The following QRICH1 variants were observed in gnomAD, a reference collection of about 807,000 sequenced individuals.
QRICH1 encodes transcriptional regulator QRICH1.
QRICH1 carries 16 observed loss-of-function variants against 87.1 expected under a neutral mutation model. That is an observed-to-expected ratio of 0.18 (90% CI 0.12 to 0.28). The LOEUF is 0.28. Among genes scored for constraint, QRICH1 ranks in the 10% least tolerant of loss-of-function variants. QRICH1 has a pLI of 1.00. For synonymous variants in QRICH1, 367 were observed against 368.4 expected (o/e 1.00, Z 0.05); for missense variants, 647 against 951.7 (o/e 0.68, Z 4.21).
rs1277819848 is a variant in QRICH1, at chr3:49,075,211, TC to T, written c.309+1497del. On this transcript the variant is annotated intron_variant, in intron 2 of 9. Coordinates refer to ENST00000395443, the MANE Select transcript of QRICH1 (RefSeq NM_198880.3). ...TGCACGTGGTGGTACATGCCTGTGG[TC>T]CCAGCTACTTGGAGGTTGAGGCTGG... is the stretch of plus-strand genomic sequence containing the variant. 4.7e-5 allele frequency among the ~76,000 whole-genome samples: 7 copies of T among 150,456 alleles called. No homozygotes were observed. The South Asian group carries it at 1.5e-3, about 32-fold the overall frequency.
At chr3:49,074,704 C>T (rs755884957) in intron 2 of QRICH1, among the ~76,000 whole-genome samples, 20 of 152,162 alleles carry the variant, frequency 1.3e-4, no homozygotes, top group Non-Finnish European at 2.6e-4. Flanking sequence ...TTGGGCCAGG[C>T]GCAGTGGCTC....
chr3:49,046,790 C>T (rs567402515), intron 4 of QRICH1, among the ~76,000 whole-genome samples: 3 of 152,260 alleles, frequency 2.0e-5, no homozygotes, highest in African/African-American at 7.2e-5. Context: ...CCCTGGTTCC[C>T]ATTTCCTCCC....
intron 1 of QRICH1, chr3:49,092,359 G>C (rs2042292486): frequency 6.6e-6 from 1 of 151,966 alleles, no homozygotes; most frequent in Non-Finnish European, 1.5e-5. Flanking sequence ...AAAAAACTGT[G>C]CACAGATACT....
intron 1 of QRICH1, 40 bp from the exon 2 acceptor site, chr3:49,077,078 A>T: frequency 7.8e-7 from 1 of 1,282,528 alleles, no homozygotes; most frequent in Non-Finnish European, 1.0e-6. Flanking sequence ...TACTGTTTTT[A>T]GCAGGAAATG....
chr3:49,049,605 C>T (rs1372618708), intron 3 of QRICH1, among the ~76,000 whole-genome samples: 1 of 151,996 alleles, frequency 6.6e-6, no homozygotes, highest in African/African-American at 2.4e-5. Context: ...TCAAGGCATT[C>T]TCCTGCCTCA....
intron 5 of QRICH1, 35 bp downstream of exon 5, chr3:49,046,390 G>A (rs2093339717): frequency 5.7e-6 from 9 of 1,591,450 alleles, no homozygotes; most frequent in Non-Finnish European, 6.0e-6. Context: ...TAGGAACACA[G>A]CTCAAACATG....
intron 6 of QRICH1, among the ~76,000 whole-genome samples, chr3:49,037,698 C>T (rs559901114): frequency 3.1e-4 from 46 of 150,410 alleles, no homozygotes; most frequent in Non-Finnish European, 5.6e-4. Flanking sequence ...CACCACTGAA[C>T]TCCAACGTGG....
intron 9 of QRICH1, among the ~76,000 whole-genome samples, chr3:49,030,982 G>C (rs2093233995): frequency 6.8e-6 from 1 of 147,572 alleles, no homozygotes; most frequent in African/African-American, 2.5e-5. Flanking sequence ...CTATCTCCAA[G>C]TCTTTGCGCT....
chr3:49,092,067 G>A lies in QRICH1; in HGVS notation c.-22+1845C>T, dbSNP rs1222863350. On this transcript the variant is annotated intron_variant, in intron 1 of 9. Coordinates refer to ENST00000395443, the MANE Select transcript of QRICH1 (RefSeq NM_198880.3). ...AGCCTGGGTGACAGAGTGAGACTCC[G>A]TCTCAAAAAAAAAAAAAAAGTCAAA... 7.4e-5 allele frequency among the ~76,000 whole-genome samples: 11 copies of A among 148,490 alleles called. No homozygotes were observed. The South Asian group carries it at 2.3e-3, about 31-fold the overall frequency.
chr3:49,083,856 G>A (rs1217894175), intron 1 of QRICH1, among the ~76,000 whole-genome samples: 1 of 151,070 alleles, frequency 6.6e-6, no homozygotes, highest in African/African-American at 2.4e-5. Context: ...TTGAACCCAG[G>A]AGGCACAATC....
chr3:49,030,318 A>C lies in QRICH1; in HGVS notation c.*134T>G, dbSNP rs1292109103. 1.9e-5 allele frequency: 16 copies of C among 844,194 alleles called. No individual in the cohort carries two copies. The East Asian group carries it at 4.6e-4, about 24-fold the overall frequency. The allele number at this position is 844,194 out of a possible 1,614,324, so 52.3% of individuals were successfully genotyped here. On this transcript the variant is annotated 3_prime_UTR_variant, in exon 10 of 10. Coordinates refer to ENST00000395443, the MANE Select transcript of QRICH1 (RefSeq NM_198880.3). ...GGGCAAAGTTTTCTTTTATATTTTAAACAGAAGCAGCCTGAAAGGCTTCGT... is the reference window on the plus strand; with the variant it reads ...GGGCAAAGTTTTCTTTTATATTTTACACAGAAGCAGCCTGAAAGGCTTCGT...
intron 1 of QRICH1, among the ~76,000 whole-genome samples, chr3:49,087,818 C>CA (rs58022360): frequency 0.032 from 1,508 of 47,610 alleles, 143 homozygotes; most frequent in African/African-American, 0.11. Context: ...AGGTTCATCT[C>CA]AAAAAAAAAA....
chr3:49,086,515 TG>T (rs1466702182), intron 1 of QRICH1, among the ~76,000 whole-genome samples: 1 of 152,140 alleles, frequency 6.6e-6, no homozygotes, highest in Non-Finnish European at 1.5e-5. Flanking sequence ...CTCCCAAAAC[TG>T]GGATTACAGG....
chr3:49,061,788 T>G (rs192012963), intron 2 of QRICH1, among the ~76,000 whole-genome samples: 4 of 151,478 alleles, frequency 2.6e-5, no homozygotes, highest in African/African-American at 9.7e-5. Flanking sequence ...GAGGTGGGGG[T>G]TGCAGTGAGC....
chr3:49,064,334 G>A (rs949163975), intron 2 of QRICH1, among the ~76,000 whole-genome samples: 11 of 148,422 alleles, frequency 7.4e-5, no homozygotes, highest in South Asian at 2.1e-4. Flanking sequence ...TTGTCTTCCC[G>A]GGTTCAAGCG....
rs1344826449 is a variant in QRICH1, at chr3:49,076,994, G to T, written c.24C>A (p.Thr8=). The T allele has an allele frequency of 2.6e-6, 4 of 1,512,106 alleles. No individual in the cohort carries two copies. The highest frequency in any genetic ancestry group is 2.6e-5 in the South Asian group (2 of 76,578). The allele number at this position is 1,512,106 out of a possible 1,614,324, so 93.7% of individuals were successfully genotyped here. A position where few individuals can be genotyped will look rare whatever the true frequency, so the allele number is the denominator to read the frequency against. MNNSLEN[T]ISFEEYIRVK... The stretch of plus-strand genomic sequence containing the variant: ...CTCGGATGTACTCTTCAAAGGAGAT[G>T]GTGTTCTCTAGGGAATTATTCATAT... The change falls in exon 2 of 10, where the codon ACC becomes ACA. Residue 8 remains threonine (T), a synonymous_variant. Transcript: ENST00000395443.
chr3:49,076,828 T>A lies in QRICH1; in HGVS notation c.190A>T (p.Thr64Ser). ...VYQQGGNCIY[T>S]DSTEVAGSLL... ...GACCCAGCCACTTCAGTGCTGTCTGTGTATATGCAGTTCCCACCCTGTTGG... is the reference window on the plus strand; with the variant it reads ...GACCCAGCCACTTCAGTGCTGTCTGAGTATATGCAGTTCCCACCCTGTTGG... Residue 64 changes from threonine to serine, a missense_variant, in exon 2 of 10, where the codon ACA becomes TCA. By Grantham distance (58) the Thr-to-Ser change is moderately conservative. Transcript: ENST00000395443. The A allele has an allele frequency of 6.2e-7, 1 of 1,613,940 alleles. No homozygotes were observed. Among genetic ancestry groups the A allele is most frequent in the Non-Finnish European group, 8.5e-7 (1 of 1,179,900 alleles).
At chr3:49,053,439 C>A (rs1197955523) in intron 3 of QRICH1, among the ~76,000 whole-genome samples, 2 of 146,942 alleles carry the variant, frequency 1.4e-5, no homozygotes, top group East Asian at 4.0e-4. Context: ...GAGCCGAGAT[C>A]GCACCACTGC....
intron 6 of QRICH1, among the ~76,000 whole-genome samples, chr3:49,038,398 CT>C (rs1198498819): frequency 6.6e-6 from 1 of 151,594 alleles, no homozygotes; most frequent in Admixed American, 6.6e-5. Context: ...ATGGATTTAC[CT>C]TTTTTGTTGA....
Sources: allele counts gnomAD v4.1 joint callset (sites outside exome capture counted in the v4.1 genomes callset), GRCh38; gene constraint gnomAD v4.1.1; transcripts MANE v1.5; gene names NCBI Gene and HGNC (gene_info 2026-07-23, HGNC 2026-07-21).